The following LARP4B variants were observed in gnomAD, a reference collection of about 807,000 sequenced individuals.
The protein encoded by LARP4B is La ribonucleoprotein 4B, also known as la-related protein 4B.
In LARP4B, 12 loss-of-function variants were observed where a neutral mutation model predicts 89.8. The observed-to-expected ratio is 0.13, with a 90% confidence interval of 0.09 to 0.22. LARP4B has a LOEUF of 0.22. Ranked by LOEUF, LARP4B falls within the 10% of genes least tolerant of loss-of-function variation. LARP4B has a pLI of 1.00. For synonymous variants in LARP4B, 367 were observed against 363.3 expected, an observed-to-expected ratio of 1.01 and a Z score of -0.12; for missense variants, 757 against 947.7, an observed-to-expected ratio of 0.80 and a Z score of 2.64.
chr10:897,616 A>T (rs1206930374), intron 1 of LARP4B, among the ~76,000 whole-genome samples: 8 of 152,224 alleles, frequency 5.3e-5, no homozygotes, highest in Non-Finnish European at 1.5e-5. Flanking sequence ...CAAATCATAT[A>T]TCCAATACGG....
chr10:941,837 G>A, the LARP4B span, among the ~76,000 whole-genome samples: 2 of 151,970 alleles, frequency 1.3e-5, no homozygotes, highest in African/African-American at 4.8e-5. Context: ...GTGCAGTGGT[G>A]TGATCATAGC....
chr10:962,240 G>C, the LARP4B span, among the ~76,000 whole-genome samples: 8 of 144,970 alleles, frequency 5.5e-5, no homozygotes, highest in African/African-American at 2.1e-4. Flanking sequence ...AGGTTGCAGT[G>C]AGCCAAGATC....
At chr10:836,258 T>C in intron 8 of LARP4B, 145 bp downstream of exon 8, 1 of 585,528 alleles carries the variant, frequency 1.7e-6, no homozygotes, top group South Asian at 2.3e-5. Flanking sequence ...ACTCACTGTG[T>C]GTAAATCCTG....
Position 845,196 on chromosome 10 carries a change from T to C in LARP4B, c.431-141A>G, listed in dbSNP as rs570012959. Reference sequence around the variant, plus strand: ...ATCCTAAGTAAGAAAAATGCTACTTTACCTATCAAAAAAGTAAATCATGCA... The same window carrying C: ...ATCCTAAGTAAGAAAAATGCTACTTCACCTATCAAAAAAGTAAATCATGCA... On this transcript the variant is annotated intron_variant, in intron 5 of 17. Transcript: ENST00000316157. 84 of 575,736 alleles carry C rather than the reference T, an allele frequency of 1.5e-4. No individual in the cohort carries two copies. The East Asian group carries it at 2.4e-3, about 17-fold the overall frequency. The allele number at this position is 575,736 out of a possible 1,614,324, so 35.7% of individuals were successfully genotyped here.
chr10:889,384 A>ACT, intron 1 of LARP4B, among the ~76,000 whole-genome samples: 1 of 152,154 alleles, frequency 6.6e-6, no homozygotes, highest in Admixed American at 6.5e-5. Flanking sequence ...ACACACACCC[A>ACT]CACTCACTCA....
At chr10:929,034 T>C (rs373602526) in intron 1 of LARP4B, among the ~76,000 whole-genome samples, 1 of 152,200 alleles carries the variant, frequency 6.6e-6, no homozygotes, top group East Asian at 1.9e-4. Context: ...TTCCCGAACA[T>C]TAAACCAAAT....
chr10:834,604 T>C (rs1000133424), intron 8 of LARP4B, among the ~76,000 whole-genome samples: 12 of 152,182 alleles, frequency 7.9e-5, no homozygotes, highest in Non-Finnish European at 1.3e-4. Flanking sequence ...TTCCTTTTTT[T>C]CCCCAACTTT....
At chr10:842,344 C>A (rs1474674392) in intron 7 of LARP4B, among the ~76,000 whole-genome samples, 1 of 152,072 alleles carries the variant, frequency 6.6e-6, no homozygotes, top group Non-Finnish European at 1.5e-5. Flanking sequence ...ATTACAAGCA[C>A]ACACCACCAC....
At chr10:860,409 C>T (rs755474097) in intron 5 of LARP4B, among the ~76,000 whole-genome samples, 1 of 152,156 alleles carries the variant, frequency 6.6e-6, no homozygotes, top group Non-Finnish European at 1.5e-5. Flanking sequence ...TGGAAAACTG[C>T]CTTACCATTT....
the LARP4B span, among the ~76,000 whole-genome samples, chr10:946,617 CCT>C: frequency 1.3e-5 from 2 of 151,778 alleles, no homozygotes; most frequent in African/African-American, 4.8e-5. Context: ...TTGGGGGACC[CCT>C]CTCTCTCTCT....
chr10:938,151 T>C, the LARP4B span, among the ~76,000 whole-genome samples: 1 of 152,098 alleles, frequency 6.6e-6, no homozygotes, highest in Non-Finnish European at 1.5e-5. Flanking sequence ...CCCAAAGTGC[T>C]GGGATTACAG....
At chr10:909,151 G>A (rs890426556) in intron 1 of LARP4B, among the ~76,000 whole-genome samples, 36 of 152,006 alleles carry the variant, frequency 2.4e-4, no homozygotes, top group African/African-American at 4.8e-4. Flanking sequence ...AAAATTAGCC[G>A]GGCATGGTGG....
the LARP4B span, among the ~76,000 whole-genome samples, chr10:955,431 T>G: frequency 6.6e-6 from 1 of 152,166 alleles, no homozygotes; most frequent in African/African-American, 2.4e-5. This position sits in a 1 kb window ranked among gnomAD's most constrained non-coding sequence, Gnocchi z 5.2. Context: ...ATTAGAAGGG[T>G]TTCTGGCACT....
intron 1 of LARP4B, among the ~76,000 whole-genome samples, chr10:920,152 T>C (rs1836940688): frequency 6.6e-6 from 1 of 152,210 alleles, no homozygotes; most frequent in Non-Finnish European, 1.5e-5. Flanking sequence ...GGGTGCGCCT[T>C]AACAGCGACC....
the LARP4B span, among the ~76,000 whole-genome samples, chr10:966,301 T>A: frequency 1.3e-5 from 2 of 151,878 alleles, no homozygotes; most frequent in South Asian, 4.2e-4. Context: ...TAAAAAATTT[T>A]AAAAAATAGC....
intron 9 of LARP4B, 139 bp from the exon 10 acceptor site, chr10:829,873 C>G (rs1832809535): frequency 4.6e-6 from 3 of 645,864 alleles, no homozygotes; most frequent in African/African-American, 1.8e-5. Flanking sequence ...ATTCTTGACA[C>G]TCCCTGGGTC....
At chr10:836,999 G>A (rs1455233130) in intron 7 of LARP4B, among the ~76,000 whole-genome samples, 8 of 152,186 alleles carry the variant, frequency 5.3e-5, no homozygotes, top group African/African-American at 9.7e-5. Flanking sequence ...GCGCAGATTC[G>A]AGTCACAGCA....
At chr10:969,470 CT>C in the LARP4B span, among the ~76,000 whole-genome samples, 1 of 152,182 alleles carries the variant, frequency 6.6e-6, no homozygotes, top group African/African-American at 2.4e-5. Flanking sequence ...TGGCTCACAC[CT>C]GTAGTCCCAG....
chr10:928,148 A>C (rs1837202539), intron 1 of LARP4B, among the ~76,000 whole-genome samples: 1 of 151,810 alleles, frequency 6.6e-6, no homozygotes, highest in Non-Finnish European at 1.5e-5. Context: ...CCTGAACCCG[A>C]GAGGCGGAGG....
Sources: allele counts gnomAD v4.1 joint callset (sites outside exome capture counted in the v4.1 genomes callset), GRCh38; gene constraint gnomAD v4.1.1; non-coding constraint Gnocchi (gnomAD v3.1); transcripts MANE v1.5; gene names NCBI Gene and HGNC (gene_info 2026-07-23, HGNC 2026-07-21).